DNAH7: variants seen among roughly 807,000 people sequenced by gnomAD.
DNAH7 encodes the protein dynein axonemal heavy chain 7.
DNAH7 carries 397 observed loss-of-function variants against 444.6 expected under a neutral mutation model. The observed-to-expected ratio is 0.89, with a 90% CI of 0.82 to 0.97. DNAH7 has a LOEUF of 0.97. DNAH7 is among the 50% of genes least tolerant of loss of function. The pLI is 0.00. For synonymous variants in DNAH7, 1,636 were observed against 1,624.4 expected (o/e 1.01, Z -0.17); for missense variants, 4,902 against 4,800.8 (o/e 1.02, Z -0.62).
intron 1 of DNAH7, chr2:196,063,442 G>A (rs1336545233): frequency 6.6e-6 from 1 of 152,192 alleles, no homozygotes; most frequent in Non-Finnish European, 1.5e-5. Context: ...TCAACAGAGG[G>A]AAGTCAGAAA....
intron 60 of DNAH7, among the ~76,000 whole-genome samples, chr2:195,774,332 T>A (rs1694973981): frequency 6.6e-6 from 1 of 152,270 alleles, no homozygotes; most frequent in Non-Finnish European, 1.5e-5. Flanking sequence ...CTGATTTTAG[T>A]GCTATCAATA....
intron 37 of DNAH7, 29 bp downstream of exon 37, chr2:195,876,515 G>A (rs375947383): frequency 6.2e-7 from 1 of 1,604,648 alleles, no homozygotes; most frequent in African/African-American, 1.3e-5. Flanking sequence ...TATATGAATA[G>A]GCCCGGGTAC....
chr2:195,992,703 A>ACT (rs1409682384), intron 12 of DNAH7, among the ~76,000 whole-genome samples: 5 of 152,210 alleles, frequency 3.3e-5, no homozygotes, highest in Non-Finnish European at 7.3e-5. Flanking sequence ...GATTGAAGGT[A>ACT]CTATGCCATA....
chr2:195,790,156 A>T (rs1225743403), intron 57 of DNAH7, among the ~76,000 whole-genome samples: 5 of 152,082 alleles, frequency 3.3e-5, no homozygotes, highest in Admixed American at 1.3e-4. Context: ...ACCACAAAAC[A>T]CCGCTGAAAG....
intron 3 of DNAH7, among the ~76,000 whole-genome samples, chr2:196,049,099 G>T (rs1460555481): frequency 6.6e-6 from 1 of 152,160 alleles, no homozygotes; most frequent in African/African-American, 2.4e-5. Context: ...GGATTTTAAA[G>T]TAAAATCTAT....
At chr2:195,768,108 G>A (rs1694669631) in intron 61 of DNAH7, among the ~76,000 whole-genome samples, 1 of 149,194 alleles carries the variant, frequency 6.7e-6, no homozygotes, top group Admixed American at 6.7e-5. Context: ...GAGATAAAGG[G>A]GTATAAGCAA....
chr2:195,928,226 C>T (rs1371253480), intron 21 of DNAH7, among the ~76,000 whole-genome samples: 1 of 152,144 alleles, frequency 6.6e-6, no homozygotes, highest in Admixed American at 6.6e-5. Context: ...ACTCCAGCTC[C>T]ATCTATGTTG....
At chr2:195,911,507 T>C (rs185975664) in intron 24 of DNAH7, among the ~76,000 whole-genome samples, 18 of 151,918 alleles carry the variant, frequency 1.2e-4, no homozygotes, top group Non-Finnish European at 2.9e-5. Context: ...AAGAAAAACA[T>C]GAATGGAAAA....
intron 7 of DNAH7, among the ~76,000 whole-genome samples, chr2:196,026,496 G>C (rs1417960147): frequency 6.6e-6 from 1 of 152,122 alleles, no homozygotes; most frequent in Non-Finnish European, 1.5e-5. Context: ...TAAATATCTT[G>C]AGGGATTGAA....
Position 195,988,010 on chromosome 2 carries a change from C to T in DNAH7, c.1573G>A (p.Glu525Lys), listed in dbSNP as rs1206995675. The T allele has an allele frequency of 2.5e-6, 4 of 1,612,560 alleles. No individual in the cohort carries two copies. The Admixed American group carries it at 6.7e-5, about 27-fold the overall frequency. The change falls in exon 13 of 65, where the codon GAA becomes AAA. Residue 525 changes from glutamate to lysine, a missense_variant. Transcript: ENST00000312428. Reference sequence around the variant, plus strand: ...ATTAGTTTCTGGTATTTGCAAATTTCATCTATTATTTTTTCATAACTATGA... The same window carrying T: ...ATTAGTTTCTGGTATTTGCAAATTTTATCTATTATTTTTTCATAACTATGA... Reference protein sequence around the residue: ...ENHSYEKIIDEICKYQKLIEE... With the variant: ...ENHSYEKIIDKICKYQKLIEE...
intron 21 of DNAH7, among the ~76,000 whole-genome samples, chr2:195,926,872 A>T (rs1010652713): frequency 9.2e-5 from 14 of 152,052 alleles, no homozygotes; most frequent in Admixed American, 5.3e-4. Context: ...ATACATTTGG[A>T]TTGAACAAGC....
In DNAH7 at chr2:195,895,142, C is replaced by G; in HGVS notation, c.4730G>C (p.Cys1577Ser). The G allele has an allele frequency of 6.2e-7, 1 of 1,613,510 alleles. No homozygotes were observed. The highest frequency in any genetic ancestry group is 1.1e-5 in the South Asian group (1 of 91,018). ...NDLLAAIKDN[C>S]ASMNLQMTAF... ...AGTCATTTGCAAATTCATGGAGGCA[C>G]AATTGTCTTTGATAGCTGCCAGCAA... The change falls in exon 30 of 65, where the codon TGT becomes TCT. Residue 1577 changes from cysteine to serine, a missense_variant. Physicochemically the swap from Cys to Ser is moderately radical, Grantham distance 112. Transcript: ENST00000312428.
intron 2 of DNAH7, among the ~76,000 whole-genome samples, chr2:196,054,942 T>A (rs1249176016): frequency 6.6e-6 from 1 of 152,236 alleles, no homozygotes; most frequent in Non-Finnish European, 1.5e-5. Flanking sequence ...GTGAGTCAAC[T>A]AAAGCTCTTC....
rs201972000 is a variant in DNAH7, at chr2:195,927,917, A to AT, written c.3472-1352dup. The stretch of plus-strand genomic sequence containing the variant: ...ACAGGAAGATTTTTAAAAGATACTT[A>AT]TTTTCTACATCACTTTTTTTAAACT... On this transcript the variant is annotated intron_variant, in intron 21 of 64. Coordinates refer to ENST00000312428, the MANE Select transcript of DNAH7 (RefSeq NM_018897.3). 5.3e-3 allele frequency among the ~76,000 whole-genome samples: 813 copies of AT among 152,050 alleles called. 11 individuals are homozygous for AT. Among genetic ancestry groups the AT allele is most frequent in the African/African-American group, 0.019 (779 of 41,466 alleles).
chr2:195,771,582 T>G lies in DNAH7; in HGVS notation c.11433+78A>C, dbSNP rs1324201909. ...CAAAACAGTGCTTATACAGTATTTG[T>G]GCTAAACAAGTATTTGCTAAATAAA... On this transcript the variant is annotated intron_variant, in intron 61 of 64. Transcript: ENST00000312428. The G allele has an allele frequency of 6.5e-6, 7 of 1,077,886 alleles. No individual in the cohort carries two copies. In the African/African-American group the frequency reaches 9.4e-5, roughly 15 times the overall value. 66.8% of individuals were successfully genotyped at this position (1,077,886 alleles called of 1,614,324 possible).
At chr2:195,756,083 A>G (rs1254250490) in intron 62 of DNAH7, 50 bp downstream of exon 62, 6 of 1,539,144 alleles carry the variant, frequency 3.9e-6, no homozygotes, top group Non-Finnish European at 8.8e-7. Flanking sequence ...TGACGAAGAA[A>G]ATGAAACCAG....
chr2:195,991,790 A>C (rs918284299), intron 12 of DNAH7, among the ~76,000 whole-genome samples: 1 of 152,208 alleles, frequency 6.6e-6, no homozygotes, highest in Non-Finnish European at 1.5e-5. Flanking sequence ...GGTACCAGGA[A>C]ACCTGCATAC....
chr2:195,749,039 TGAACA>T (rs1169502990), intron 63 of DNAH7, among the ~76,000 whole-genome samples: 2 of 151,568 alleles, frequency 1.3e-5, no homozygotes, highest in African/African-American at 4.9e-5. Flanking sequence ...ACCATCAGAG[TGAACA>T]AGCAACCTAC....
At chr2:195,738,851 G>A (rs541762334) in intron 64 of DNAH7, among the ~76,000 whole-genome samples, 71 of 152,294 alleles carry the variant, frequency 4.7e-4, no homozygotes, top group African/African-American at 1.6e-3. Flanking sequence ...CAGCCCCAAT[G>A]TTCAGACCCC....
Sources: gnomAD v4.1 joint callset for allele counts (sites outside exome capture counted in the v4.1 genomes callset) on GRCh38, gnomAD v4.1.1 for gene constraint, MANE v1.5 for transcripts, NCBI Gene and HGNC (gene_info 2026-07-23, HGNC 2026-07-21) for gene names.